The following GALNT5 variants were observed in gnomAD, a reference collection of about 807,000 sequenced individuals.
The protein encoded by GALNT5 is UDP-GalNAc:polypeptide N-acetylgalactosaminyltransferase 5.
In GALNT5, 72 loss-of-function variants were observed where a neutral mutation model predicts 85.4. The observed-to-expected ratio is 0.84, with a 90% CI of 0.70 to 1.03. The LOEUF (loss-of-function observed/expected upper bound fraction) is 1.03, where lower values mean the gene tolerates loss of function less well. Among genes scored for constraint, GALNT5 ranks in the 50% least tolerant of loss-of-function variants. The probability of loss-of-function intolerance (pLI) is 0.00; values close to 1 mark genes in which losing one functional copy is unlikely to be tolerated. For synonymous variants in GALNT5, 404 were observed against 397.0 expected (o/e 1.02, Z -0.21); for missense variants, 1,137 against 1,135.5 (o/e 1.00, Z -0.02).
chr2:157,310,510 A>G (rs932254633), intron 9 of GALNT5, among the ~76,000 whole-genome samples: 6 of 152,188 alleles, frequency 3.9e-5, no homozygotes, highest in African/African-American at 1.4e-4. Flanking sequence ...CCCCTGTTTG[A>G]TAACTTTTTA....
chr2:157,258,991 G>A lies in GALNT5; in HGVS notation c.909G>A (p.Lys303=). The change falls in exon 1 of 10, where the codon AAG becomes AAA. Residue 303 remains lysine (K), a synonymous_variant. Coordinates refer to ENST00000259056, the MANE Select transcript of GALNT5 (RefSeq NM_014568.3). ...INETPLGSLS[K]DDGARGAHGK... is the part of the protein sequence containing the mutation. Reference sequence around the variant, plus strand: ...AGACACCTTTGGGAAGTTTGTCAAAGGATGATGGAGCTAGAGGGGCTCATG... The same window carrying A: ...AGACACCTTTGGGAAGTTTGTCAAAAGATGATGGAGCTAGAGGGGCTCATG... 1 of 1,499,564 alleles carries A rather than the reference G, an allele frequency of 6.7e-7. No individual in the cohort carries two copies. Among genetic ancestry groups the A allele is most frequent in the Non-Finnish European group, 8.9e-7 (1 of 1,124,192 alleles). 92.9% of individuals were successfully genotyped at this position (1,499,564 alleles called of 1,614,324 possible).
chr2:157,291,973 T>A (rs1574027498), intron 3 of GALNT5, among the ~76,000 whole-genome samples: 1 of 152,228 alleles, frequency 6.6e-6, no homozygotes, highest in Non-Finnish European at 1.5e-5. Flanking sequence ...ACACACTTTA[T>A]GTATCAAATA....
intron 1 of GALNT5, among the ~76,000 whole-genome samples, chr2:157,268,456 T>C (rs1239614676): frequency 6.6e-6 from 1 of 152,236 alleles, no homozygotes; most frequent in African/African-American, 2.4e-5. Context: ...GGTTCTCACA[T>C]GAGTTTTTCA....
rs1489942614 is a variant in GALNT5 at position 157,305,673 on chromosome 2, A to G, written c.2440-76A>G. 6.0e-6 allele frequency: 5 copies of G among 827,210 alleles called. No individual in the cohort carries two copies. The African/African-American group carries it at 8.5e-5, about 14-fold the overall frequency. The allele number at this position is 827,210 out of a possible 1,614,324, so 51.2% of individuals were successfully genotyped here. A position where few individuals can be genotyped will look rare whatever the true frequency, so the allele number is the denominator to read the frequency against. ...ACCTTATTATAGTTTTATATTCTGT[A>G]TTTTCTAAATGTGTCTGAATGTCTT... On this transcript the variant is annotated intron_variant, in intron 7 of 9. Coordinates refer to ENST00000259056, the MANE Select transcript of GALNT5 (RefSeq NM_014568.3).
chr2:157,299,614 C>A lies in GALNT5; in HGVS notation c.2064C>A (p.Tyr688Ter), dbSNP rs140656094. Residue 688 changes from tyrosine to a stop codon, truncating the protein, a stop_gained, in exon 6 of 10, where the codon TAC becomes TAA. Transcript: ENST00000259056. LOFTEE classifies it high-confidence loss of function. ...DKSYFFELGTYDPGLDVWGGE... is the reference protein window; with the variant it reads ...DKSYFFELGT ...GTTACTTTTTTGAACTTGGAACATACGACCCTGGCCTTGATGTTTGGGGTG... is the reference window on the plus strand; with the variant it reads ...GTTACTTTTTTGAACTTGGAACATAAGACCCTGGCCTTGATGTTTGGGGTG... 2.0e-5 allele frequency: 32 copies of A among 1,612,702 alleles called. No individual in the cohort carries two copies. Among genetic ancestry groups the A allele is most frequent in the Non-Finnish European group, 1.8e-5 (21 of 1,178,750 alleles).
At chr2:157,301,404 T>C (rs1683340364) in intron 7 of GALNT5, 1 of 216,664 alleles carries the variant, frequency 4.6e-6, no homozygotes, top group Admixed American at 5.3e-5. Flanking sequence ...ACTCCTCAGT[T>C]AGAGTGGCTG....
chr2:157,271,961 G>A (rs939392037), intron 1 of GALNT5, among the ~76,000 whole-genome samples: 19 of 152,080 alleles, frequency 1.2e-4, no homozygotes. Context: ...TAAGAGGAAA[G>A]GAAAGCTAAG....
intron 9 of GALNT5, among the ~76,000 whole-genome samples, chr2:157,310,592 TG>T (rs1683548617): frequency 6.6e-6 from 1 of 152,162 alleles, no homozygotes; most frequent in South Asian, 2.1e-4. Flanking sequence ...AATTTATAGA[TG>T]AAAAAATATA....
chr2:157,306,067 C>T (rs567734154), intron 8 of GALNT5, among the ~76,000 whole-genome samples: 9 of 152,282 alleles, frequency 5.9e-5, no homozygotes, highest in South Asian at 4.1e-4. Flanking sequence ...TTTGCAAAAG[C>T]GTGTTAACGT....
intron 3 of GALNT5, among the ~76,000 whole-genome samples, chr2:157,291,637 C>CCCT (rs1553463143): frequency 7.4e-6 from 1 of 135,842 alleles, no homozygotes; most frequent in African/African-American, 2.8e-5. Flanking sequence ...CCACCCACCC[C>CCCT]CCCCCAGATT....
chr2:157,303,894 T>C (rs1040499597), intron 7 of GALNT5, among the ~76,000 whole-genome samples: 1 of 152,162 alleles, frequency 6.6e-6, no homozygotes, highest in Non-Finnish European at 1.5e-5. Flanking sequence ...TGTCTCAGGG[T>C]TCCATGGTCA....
chr2:157,262,941 C>T (rs1053890290), intron 1 of GALNT5, among the ~76,000 whole-genome samples: 2 of 150,000 alleles, frequency 1.3e-5, no homozygotes, highest in Non-Finnish European at 2.9e-5. Context: ...CATTCTCCTG[C>T]CTCAGCCTCC....
chr2:157,278,893 G>A (rs983125991), intron 1 of GALNT5, among the ~76,000 whole-genome samples: 2 of 152,154 alleles, frequency 1.3e-5, no homozygotes, highest in Non-Finnish European at 2.9e-5. Context: ...AGGAGAAGAG[G>A]TGCTCTGGTT....
At chr2:157,275,182 G>A (rs571762689) in intron 1 of GALNT5, among the ~76,000 whole-genome samples, 3 of 152,188 alleles carry the variant, frequency 2.0e-5, no homozygotes, top group East Asian at 1.9e-4. Context: ...TGTTCCATTC[G>A]TCCATATATC....
intron 2 of GALNT5, among the ~76,000 whole-genome samples, chr2:157,285,312 A>C (rs551048734): frequency 2.4e-4 from 36 of 152,288 alleles, no homozygotes; most frequent in African/African-American, 8.4e-4. Context: ...CCAATTAGTA[A>C]GTAGATAGGA....
At chr2:157,284,541 T>C in intron 2 of GALNT5, 93 bp downstream of exon 2, 1 of 876,382 alleles carries the variant, frequency 1.1e-6, no homozygotes. Context: ...ATAGGATAAT[T>C]TGATGAAGCA....
chr2:157,291,590 A>T (rs1266600826), intron 3 of GALNT5, among the ~76,000 whole-genome samples: 1 of 150,900 alleles, frequency 6.6e-6, no homozygotes, highest in Non-Finnish European at 1.5e-5. Flanking sequence ...CTCAACAAGG[A>T]CCCAAAATTT....
chr2:157,296,471 A>C lies in GALNT5; in HGVS notation c.1955A>C (p.Asp652Ala), dbSNP rs143655797. 51 of 1,609,642 alleles carry C rather than the reference A, an allele frequency of 3.2e-5. No individual in the cohort carries two copies. The highest frequency in any genetic ancestry group is 3.3e-5 in the Admixed American group (2 of 59,998). The change falls in exon 5 of 10, where the codon GAT becomes GCT. Residue 652 changes from aspartate (D) to alanine (A), a missense_variant. Transcript: ENST00000259056. ...MNFGWRTIPPDVIAKNRIKET... is the reference protein window; with the variant it reads ...MNFGWRTIPPAVIAKNRIKET... ...TTTGGTTGGAGAACAATTCCTCCAG[A>C]TGTCATTGCAAAAAACAGAATTAAA...
At chr2:157,262,530 C>T (rs1485817434) in intron 1 of GALNT5, among the ~76,000 whole-genome samples, 1 of 148,160 alleles carries the variant, frequency 6.7e-6, no homozygotes, top group Non-Finnish European at 1.5e-5. Context: ...CTCAGCCACT[C>T]AGGAAGCTGA....
Sources: gnomAD v4.1 joint callset for allele counts (sites outside exome capture counted in the v4.1 genomes callset) on GRCh38, gnomAD v4.1.1 for gene constraint, MANE v1.5 for transcripts, NCBI Gene and HGNC (gene_info 2026-07-23, HGNC 2026-07-21) for gene names.